The following FAM168A variants were observed in gnomAD, a reference collection of about 807,000 sequenced individuals.
FAM168A encodes protein FAM168A.
Under a neutral mutation model 28.5 loss-of-function variants are expected in FAM168A, and 3 were observed. The ratio of observed to expected loss-of-function variants is 0.11; its 90% CI spans 0.05 to 0.27. The LOEUF is 0.27. Ranked by LOEUF, FAM168A falls within the 10% of genes least tolerant of loss-of-function variation. The pLI, the probability that FAM168A is intolerant of heterozygous loss-of-function variation, is 1.00. For synonymous variants in FAM168A, 122 were observed against 124.2 expected (o/e 0.98, Z 0.12); for missense variants, 222 against 311.5 (o/e 0.71, Z 2.16).
At chr11:73,483,561 G>T (rs1000482472) in intron 1 of FAM168A, among the ~76,000 whole-genome samples, 21 of 152,286 alleles carry the variant, frequency 1.4e-4, no homozygotes, top group African/African-American at 4.6e-4. Context: ...AGGAGAAACA[G>T]AAAGTCTTAA....
chr11:73,506,151 G>C (rs949768798), intron 1 of FAM168A, among the ~76,000 whole-genome samples: 3 of 151,988 alleles, frequency 2.0e-5, no homozygotes, highest in African/African-American at 7.3e-5. Context: ...AAACCAACAA[G>C]CCTCAAATAC....
In FAM168A at chr11:73,516,405, A is replaced by C. The variant is rs530769153; in HGVS notation, c.-18-47913T>G. Among the ~76,000 whole-genome samples the C allele has an allele frequency of 8.6e-4, 131 of 152,328 alleles. 2 individuals carry two copies. The highest frequency in any genetic ancestry group is 3.1e-3 in the African/African-American group (130 of 41,562). Reference sequence around the variant, plus strand: ...AGAAATTGTTGAGGAAGTGCCTGATAAACTGAGATTGTTAACAACACTTAA... The same window carrying C: ...AGAAATTGTTGAGGAAGTGCCTGATCAACTGAGATTGTTAACAACACTTAA... On this transcript the variant is annotated intron_variant, in intron 1 of 7. Transcript: ENST00000356467.
At chr11:73,535,222 T>C (rs1308590750) in intron 1 of FAM168A, among the ~76,000 whole-genome samples, 1 of 151,916 alleles carries the variant, frequency 6.6e-6, no homozygotes, top group Non-Finnish European at 1.5e-5. Flanking sequence ...ACTTTACTAC[T>C]AGTAGAGTCC....
chr11:73,493,490 G>A (rs756930208), intron 1 of FAM168A, among the ~76,000 whole-genome samples: 3 of 152,146 alleles, frequency 2.0e-5, no homozygotes, highest in South Asian at 2.1e-4. Context: ...TCAGCTCACC[G>A]CAACCTCTGC....
At chr11:73,524,732 G>T (rs189361377) in intron 1 of FAM168A, among the ~76,000 whole-genome samples, 70 of 152,114 alleles carry the variant, frequency 4.6e-4, no homozygotes. Flanking sequence ...CAAGTAGCTC[G>T]GATTACAAGC....
chr11:73,546,594 T>C (rs1454839342), intron 1 of FAM168A, among the ~76,000 whole-genome samples: 1 of 152,160 alleles, frequency 6.6e-6, no homozygotes, highest in Non-Finnish European at 1.5e-5. Context: ...TAGCTGGGTG[T>C]GGTGGCACAT....
At chr11:73,462,922 G>C (rs185889063) in intron 2 of FAM168A, among the ~76,000 whole-genome samples, 1 of 151,404 alleles carries the variant, frequency 6.6e-6, no homozygotes, top group East Asian at 1.9e-4. Context: ...GAGGAGAAGA[G>C]AAGAGAAAAG....
At chr11:73,409,916 T>C (rs1456903325) in intron 5 of FAM168A, among the ~76,000 whole-genome samples, 2 of 152,214 alleles carry the variant, frequency 1.3e-5, no homozygotes, top group East Asian at 3.8e-4. Context: ...ACCTTGGTTT[T>C]AGCATTTTAA....
intron 1 of FAM168A, among the ~76,000 whole-genome samples, chr11:73,540,227 A>G (rs1229623505): frequency 6.6e-6 from 1 of 152,236 alleles, no homozygotes; most frequent in Non-Finnish European, 1.5e-5. Flanking sequence ...AACTGATTTG[A>G]TAAAAGTAGA....
intron 6 of FAM168A, among the ~76,000 whole-genome samples, chr11:73,409,078 C>A (rs1037158787): frequency 1.3e-5 from 2 of 152,104 alleles, no homozygotes; most frequent in Non-Finnish European, 2.9e-5. Flanking sequence ...TGCTTGACCC[C>A]CATTGTGTGC....
chr11:73,554,205 T>C (rs991609101), intron 1 of FAM168A, among the ~76,000 whole-genome samples: 1 of 151,780 alleles, frequency 6.6e-6, no homozygotes, highest in African/African-American at 2.4e-5. Context: ...GGAGAACCCA[T>C]CTCCACAAAA....
At chr11:73,465,671 T>A (rs1017437754) in intron 2 of FAM168A, among the ~76,000 whole-genome samples, 2 of 107,700 alleles carry the variant, frequency 1.9e-5, no homozygotes, top group Non-Finnish European at 3.7e-5. Context: ...CCTCATGACC[T>A]CATCTAAACC....
chr11:73,409,339 G>T (rs1866565660), intron 6 of FAM168A, 148 bp downstream of exon 6: 3 of 984,436 alleles, frequency 3.0e-6, no homozygotes, highest in Non-Finnish European at 4.4e-6. Flanking sequence ...CCCATAGACA[G>T]ATTTAGAGGC....
chr11:73,498,784 C>A (rs1005753748), intron 1 of FAM168A, among the ~76,000 whole-genome samples: 1 of 152,156 alleles, frequency 6.6e-6, no homozygotes, highest in African/African-American at 2.4e-5. Context: ...CTAACCCTGA[C>A]CCATCCTTCT....
intron 2 of FAM168A, among the ~76,000 whole-genome samples, chr11:73,443,077 C>T (rs1043483122): frequency 6.8e-6 from 1 of 146,736 alleles, no homozygotes; most frequent in Non-Finnish European, 1.5e-5. Flanking sequence ...CATTTACACT[C>T]AGGTTGCTAA....
intron 1 of FAM168A, among the ~76,000 whole-genome samples, chr11:73,562,290 T>C (rs769078033): frequency 5.9e-5 from 9 of 152,218 alleles, no homozygotes; most frequent in Non-Finnish European, 1.0e-4. Context: ...TCTCTGACCC[T>C]CATCATAAAT....
At chr11:73,513,646 C>T (rs1855272577) in intron 1 of FAM168A, among the ~76,000 whole-genome samples, 1 of 152,120 alleles carries the variant, frequency 6.6e-6, no homozygotes, top group Non-Finnish European at 1.5e-5. Context: ...GACGTCACAT[C>T]CTGGAGGACG....
chr11:73,564,313 T>C (rs1180204549), intron 1 of FAM168A, among the ~76,000 whole-genome samples: 1 of 152,138 alleles, frequency 6.6e-6, no homozygotes, highest in African/African-American at 2.4e-5. Flanking sequence ...TCTGAGGCCA[T>C]TGCTGAGATA....
intron 1 of FAM168A, among the ~76,000 whole-genome samples, chr11:73,547,093 AAAAAAAAG>A (rs1455070883): frequency 6.6e-6 from 1 of 150,970 alleles, no homozygotes; most frequent in Non-Finnish European, 1.5e-5. Context: ...AAGAAAAAAA[AAAAAAAAG>A]AAAGAAAGAA....
Sources: allele counts gnomAD v4.1 joint callset (sites outside exome capture counted in the v4.1 genomes callset), GRCh38; gene constraint gnomAD v4.1.1; transcripts MANE v1.5; gene names NCBI Gene and HGNC (gene_info 2026-07-23, HGNC 2026-07-21).